Variants in EPB41L4A observed in about 807,000 individuals in gnomAD.
The protein encoded by EPB41L4A is erythrocyte membrane protein band 4.1 like 4A, also known as band 4.1-like protein 4A.
Under a neutral mutation model 108.6 loss-of-function variants are expected in EPB41L4A, and 100 were observed. That is an observed-to-expected ratio of 0.92 (90% CI 0.78 to 1.09). EPB41L4A has a LOEUF of 1.09. EPB41L4A is among the 50% of genes least tolerant of loss of function. EPB41L4A has a pLI of 0.00. For synonymous variants in EPB41L4A, 319 were observed against 289.0 expected (o/e 1.10, Z -1.05); for missense variants, 1,030 against 842.7 (o/e 1.22, Z -2.75).
At chr5:112,168,071 GT>G (rs1387130276) in intron 22 of EPB41L4A, among the ~76,000 whole-genome samples, 4 of 152,164 alleles carry the variant, frequency 2.6e-5, no homozygotes. Context: ...TTTTACAGTG[GT>G]TGTTTAACCA....
chr5:112,212,738 C>T (rs1366153655), intron 12 of EPB41L4A, among the ~76,000 whole-genome samples: 4 of 152,114 alleles, frequency 2.6e-5, no homozygotes, highest in Non-Finnish European at 4.4e-5. Context: ...GAGGGGGCCA[C>T]AGCAGAGAGA....
chr5:112,242,202 T>C (rs1749842031), intron 9 of EPB41L4A, among the ~76,000 whole-genome samples: 1 of 152,242 alleles, frequency 6.6e-6, no homozygotes, highest in Non-Finnish European at 1.5e-5. Flanking sequence ...TTTGATAGCA[T>C]TTGACCCACA....
chr5:112,289,253 T>C (rs1753492351), intron 2 of EPB41L4A, among the ~76,000 whole-genome samples: 1 of 152,180 alleles, frequency 6.6e-6, no homozygotes, highest in Non-Finnish European at 1.5e-5. Flanking sequence ...AGCAGAATAC[T>C]ATGGATACTC....
chr5:112,180,745 A>C (rs773983557), intron 18 of EPB41L4A, among the ~76,000 whole-genome samples: 1 of 152,154 alleles, frequency 6.6e-6, no homozygotes, highest in Non-Finnish European at 1.5e-5. Flanking sequence ...ATCAAAAAGC[A>C]ATGTTAAGAA....
At chr5:112,222,898 T>G (rs1580464284) in intron 12 of EPB41L4A, among the ~76,000 whole-genome samples, 1 of 151,634 alleles carries the variant, frequency 6.6e-6, no homozygotes, top group East Asian at 1.9e-4. Context: ...ACAGTGCCAG[T>G]GACCCAAGGG....
chr5:112,379,348 G>A (rs369986892), intron 1 of EPB41L4A, among the ~76,000 whole-genome samples: 6 of 152,236 alleles, frequency 3.9e-5, no homozygotes, highest in African/African-American at 1.4e-4. Flanking sequence ...ATAAAGTCTT[G>A]TATCCCACAA....
chr5:112,174,624 AC>A (rs1314184642), intron 18 of EPB41L4A, among the ~76,000 whole-genome samples: 1 of 152,180 alleles, frequency 6.6e-6, no homozygotes, highest in African/African-American at 2.4e-5. Context: ...AAGGATTTAA[AC>A]TCCATCACTG....
chr5:112,280,424 C>T, intron 2 of EPB41L4A, 101 bp from the exon 3 acceptor site: 1 of 1,122,216 alleles, frequency 8.9e-7, no homozygotes, highest in Non-Finnish European at 1.4e-6. Context: ...CATTTTAAAA[C>T]TTGGTCAGTT....
intron 1 of EPB41L4A, among the ~76,000 whole-genome samples, chr5:112,381,466 C>A (rs1580795682): frequency 6.6e-6 from 1 of 152,332 alleles, no homozygotes; most frequent in South Asian, 2.1e-4. Context: ...GGATTTGAAC[C>A]AAGATCTGTT....
chr5:112,396,960 T>C (rs1761395425), intron 1 of EPB41L4A, among the ~76,000 whole-genome samples: 1 of 152,216 alleles, frequency 6.6e-6, no homozygotes, highest in African/African-American at 2.4e-5. Context: ...TTAAATTCAG[T>C]AGGTACATGT....
intron 1 of EPB41L4A, among the ~76,000 whole-genome samples, chr5:112,330,958 C>T (rs888076474): frequency 7.2e-5 from 11 of 152,046 alleles, no homozygotes; most frequent in South Asian, 2.1e-4. Flanking sequence ...CCTGACCTTA[C>T]GTATCTTGTT....
intron 12 of EPB41L4A, among the ~76,000 whole-genome samples, chr5:112,155,381 A>C (rs1166048815): frequency 6.6e-6 from 1 of 152,146 alleles, no homozygotes; most frequent in Non-Finnish European, 1.5e-5. Context: ...AAAAAAAAAA[A>C]AGTGTATCAA....
At position 112,170,286 on chromosome 5, in the gene EPB41L4A, C is replaced by G; in HGVS notation, c.1739+15G>C. ...CTAATAAAGCTTTGGTGAGAAGATT[C>G]TGAAAGGCACTCACTCTATTTTAGT... On this transcript the variant is annotated intron_variant, in intron 20 of 22. Transcript: ENST00000261486. The G allele has an allele frequency of 6.2e-7, 1 of 1,611,042 alleles. No homozygotes were observed. The highest frequency in any genetic ancestry group is 8.5e-7 in the Non-Finnish European group (1 of 1,178,120).
At chr5:112,210,920 A>G (rs191485128) in intron 12 of EPB41L4A, among the ~76,000 whole-genome samples, 44 of 152,086 alleles carry the variant, frequency 2.9e-4, no homozygotes, top group African/African-American at 9.9e-4. Flanking sequence ...CGGTCCTTCA[A>G]TCCAATGCAT....
At chr5:112,364,888 G>A (rs7715640) in intron 1 of EPB41L4A, among the ~76,000 whole-genome samples, 23,062 of 152,068 alleles carry the variant, frequency 0.15, 1,865 homozygotes, top group East Asian at 0.31. Context: ...AGGTCTAAAT[G>A]TAATTTATTA....
chr5:112,373,694 C>A (rs940423007), intron 1 of EPB41L4A, among the ~76,000 whole-genome samples: 4 of 152,220 alleles, frequency 2.6e-5, no homozygotes, highest in African/African-American at 7.2e-5. Context: ...CCCAGGAAGT[C>A]TGGCTGCAGT....
intron 13 of EPB41L4A, among the ~76,000 whole-genome samples, chr5:112,208,942 T>A (rs548600205): frequency 7.2e-5 from 11 of 152,308 alleles, no homozygotes; most frequent in Admixed American, 1.3e-4. Context: ...AAAGAACTTG[T>A]CATCCTAAAA....
intron 6 of EPB41L4A, chr5:112,264,193 T>A (rs922313152): frequency 6.6e-6 from 1 of 152,206 alleles, no homozygotes; most frequent in African/African-American, 2.4e-5. Context: ...AATAAAGCAA[T>A]GTTAACCGGT....
intron 4 of EPB41L4A, among the ~76,000 whole-genome samples, chr5:112,270,570 A>C (rs891199948): frequency 6.6e-6 from 1 of 152,238 alleles, no homozygotes; most frequent in Non-Finnish European, 1.5e-5. Flanking sequence ...AAAATATGGA[A>C]ACAAATAGCA....
Sources: allele counts gnomAD v4.1 joint callset (sites outside exome capture counted in the v4.1 genomes callset), GRCh38; gene constraint gnomAD v4.1.1; transcripts MANE v1.5; gene names NCBI Gene and HGNC (gene_info 2026-07-23, HGNC 2026-07-21).